Variants in KCNK10 observed in about 807,000 individuals in gnomAD.
KCNK10 encodes potassium two pore domain channel subfamily K member 10.
In KCNK10, 25 loss-of-function variants were observed where a neutral mutation model predicts 47.7. That is an observed-to-expected ratio of 0.52 (90% CI 0.38 to 0.73). The LOEUF (loss-of-function observed/expected upper bound fraction) is 0.73, where lower values mean the gene tolerates loss of function less well. Among genes scored for constraint, KCNK10 ranks in the 30% least tolerant of loss-of-function variants. The probability of loss-of-function intolerance (pLI) is 0.00; values close to 1 mark genes in which losing one functional copy is unlikely to be tolerated. For missense variants in KCNK10, 563 were observed against 714.5 expected, an observed-to-expected ratio of 0.79 and a Z score of 2.42; for synonymous variants, 303 against 285.6, an observed-to-expected ratio of 1.06 and a Z score of -0.61.
intron 1 of KCNK10, among the ~76,000 whole-genome samples, chr14:88,301,338 C>T (rs1888093074): frequency 6.6e-6 from 1 of 152,070 alleles, no homozygotes; most frequent in African/African-American, 2.4e-5. Flanking sequence ...TAATTAAGTT[C>T]CCCTTCTTAA....
intron 4 of KCNK10, among the ~76,000 whole-genome samples, chr14:88,209,272 C>T (rs1264333142): frequency 1.3e-5 from 2 of 152,152 alleles, no homozygotes; most frequent in African/African-American, 2.4e-5. Context: ...GGTAAGAGCA[C>T]GGGCAAGCTG....
intron 5 of KCNK10, among the ~76,000 whole-genome samples, chr14:88,191,133 C>G (rs1179760410): frequency 1.3e-5 from 2 of 151,964 alleles, no homozygotes; most frequent in Admixed American, 6.6e-5. Flanking sequence ...GTCTGTAGTC[C>G]CAGCTACTCA....
chr14:88,325,549 G>A (rs1393970380), upstream of KCNK10, among the ~76,000 whole-genome samples: 2 of 152,154 alleles, frequency 1.3e-5, no homozygotes, highest in African/African-American at 2.4e-5. Context: ...CAAGTTTGTT[G>A]ACACAAAGGT....
chr14:88,321,624 G>T (rs1002102379), intron 1 of KCNK10, among the ~76,000 whole-genome samples: 3 of 152,108 alleles, frequency 2.0e-5, no homozygotes, highest in African/African-American at 7.2e-5. Flanking sequence ...TATTTAAGAT[G>T]TAACAGCCTC....
intron 1 of KCNK10, among the ~76,000 whole-genome samples, chr14:88,275,818 G>A (rs745591581): frequency 6.6e-6 from 1 of 151,944 alleles, no homozygotes; most frequent in Non-Finnish European, 1.5e-5. Flanking sequence ...AGTGAGCTGA[G>A]ATTGTGCCGC....
At chr14:88,292,437 C>T (rs1215522667) in intron 1 of KCNK10, among the ~76,000 whole-genome samples, 3 of 152,078 alleles carry the variant, frequency 2.0e-5, no homozygotes. Flanking sequence ...ATAAACTCTG[C>T]CTCCCGGGTT....
At chr14:88,257,373 C>T (rs1886986360) in intron 2 of KCNK10, among the ~76,000 whole-genome samples, 2 of 152,332 alleles carry the variant, frequency 1.3e-5, no homozygotes, top group South Asian at 4.1e-4. Context: ...CACGTACTCT[C>T]ATACTTCTCA....
chr14:88,212,773 T>C (rs758938962), intron 4 of KCNK10, among the ~76,000 whole-genome samples: 1 of 152,186 alleles, frequency 6.6e-6, no homozygotes, highest in Non-Finnish European at 1.5e-5. Context: ...GATGCACAAA[T>C]GCAGCTCCTC....
At chr14:88,242,690 G>A (rs1036974873) in intron 2 of KCNK10, among the ~76,000 whole-genome samples, 2 of 152,166 alleles carry the variant, frequency 1.3e-5, no homozygotes, top group Non-Finnish European at 2.9e-5. Context: ...TCAGAGGTAT[G>A]TTCTGCTCTG....
intron 1 of KCNK10, among the ~76,000 whole-genome samples, chr14:88,314,369 C>T (rs1888387190): frequency 6.6e-6 from 1 of 152,180 alleles, no homozygotes; most frequent in South Asian, 2.1e-4. Flanking sequence ...GCCAAATCTA[C>T]CAGTGCCTTG....
At position 88,301,259 on chromosome 14, in the gene KCNK10, T is replaced by G. The variant is rs1888090632; in HGVS notation, c.52+21488A>C. 2.0e-5 allele frequency among the ~76,000 whole-genome samples: 3 copies of G among 152,308 alleles called. No individual in the cohort carries two copies. In the South Asian group the frequency reaches 6.2e-4, roughly 32 times the overall value. On this transcript the variant is annotated intron_variant, in intron 1 of 6. Coordinates refer to ENST00000319231, the MANE Select transcript of KCNK10 (RefSeq NM_138317.3). ...AGTAACAATAAATGTTAGTTATCAC[T>G]GTCATTATCACCATCATCATCATCA...
At chr14:88,198,215 C>G (rs1884986317) in intron 4 of KCNK10, among the ~76,000 whole-genome samples, 1 of 152,300 alleles carries the variant, frequency 6.6e-6, no homozygotes, top group African/African-American at 2.4e-5. Context: ...CATAAGCGAT[C>G]ACACCACATG....
Position 88,212,638 on chromosome 14 carries a change from G to A in KCNK10, c.681+14737C>T, listed in dbSNP as rs1005482333. ...AAAGGATTCACTGATCCTTTAAAAC[G>A]ACACCTCAGGCTCCTAGGGGTCCAC... On this transcript the variant is annotated intron_variant, in intron 4 of 6. Transcript: ENST00000319231. Among the ~76,000 whole-genome samples the A allele has an allele frequency of 7.2e-5, 11 of 152,006 alleles. 1 individual carries two copies. The highest frequency in any genetic ancestry group is 1.3e-4 in the Non-Finnish European group (9 of 67,990).
At chr14:88,259,433 G>C (rs918129671) in intron 2 of KCNK10, among the ~76,000 whole-genome samples, 1 of 152,172 alleles carries the variant, frequency 6.6e-6, no homozygotes, top group South Asian at 2.1e-4. Context: ...AAACAGAAAT[G>C]CTTCCTGTTA....
intron 2 of KCNK10, among the ~76,000 whole-genome samples, chr14:88,245,327 C>T (rs1376996283): frequency 6.6e-6 from 1 of 152,118 alleles, no homozygotes; most frequent in Non-Finnish European, 1.5e-5. Context: ...CTCCCTTGTC[C>T]TCCCTCCCCC....
chr14:88,255,808 C>T (rs1177716693), intron 2 of KCNK10, among the ~76,000 whole-genome samples: 1 of 151,992 alleles, frequency 6.6e-6, no homozygotes, highest in Non-Finnish European at 1.5e-5. Context: ...TACAGTGAAC[C>T]ATGATTGCAC....
At chr14:88,272,324 T>C (rs1887426744) in intron 1 of KCNK10, among the ~76,000 whole-genome samples, 1 of 152,060 alleles carries the variant, frequency 6.6e-6, no homozygotes, top group African/African-American at 2.4e-5. Flanking sequence ...GATGCTGTGT[T>C]TGACAGAGGT....
chr14:88,315,194 T>A (rs984931566), intron 1 of KCNK10, among the ~76,000 whole-genome samples: 5 of 152,186 alleles, frequency 3.3e-5, no homozygotes, highest in Non-Finnish European at 7.3e-5. Flanking sequence ...AACAGATCTA[T>A]CATAATCACC....
chr14:88,279,450 T>C (rs57469984), intron 1 of KCNK10, among the ~76,000 whole-genome samples: 7,367 of 151,462 alleles, frequency 0.049, 351 homozygotes, highest in African/African-American at 0.12. Flanking sequence ...TCTAGCCATT[T>C]TAAAGGGTGC....
Sources: gnomAD v4.1 joint callset for allele counts (sites outside exome capture counted in the v4.1 genomes callset) on GRCh38, gnomAD v4.1.1 for gene constraint, MANE v1.5 for transcripts, NCBI Gene and HGNC (gene_info 2026-07-23, HGNC 2026-07-21) for gene names.